The following KAZN variants were observed in gnomAD, a reference collection of about 807,000 sequenced individuals.
KAZN encodes kazrin, periplakin interacting protein.
In KAZN, 40 loss-of-function variants were observed where a neutral mutation model predicts 87.4. The ratio of observed to expected loss-of-function variants is 0.46; its 90% CI spans 0.36 to 0.60. KAZN has a LOEUF of 0.60. Among genes scored for constraint, KAZN ranks in the 20% least tolerant of loss-of-function variants. The probability of loss-of-function intolerance (pLI) is 0.00; values close to 1 mark genes in which losing one functional copy is unlikely to be tolerated. For missense variants in KAZN, 898 were observed against 1,073.9 expected, an observed-to-expected ratio of 0.84 and a Z score of 2.29; for synonymous variants, 466 against 458.3, an observed-to-expected ratio of 1.02 and a Z score of -0.22.
intron 1 of KAZN, chr1:14,929,713 A>C: frequency 1.1e-6 from 1 of 921,040 alleles, no homozygotes; most frequent in Non-Finnish European, 1.3e-6. Context: ...CATGGTTATA[A>C]GGGGTGTGCG....
chr1:14,448,601 A>T (rs1044553165), intron 2 of KAZN, among the ~76,000 whole-genome samples: 1 of 152,242 alleles, frequency 6.6e-6, no homozygotes. Flanking sequence ...CCTGGATTGA[A>T]GTCACTGCTT....
At chr1:15,026,723 GAA>G (rs35459848) in intron 2 of KAZN, among the ~76,000 whole-genome samples, 30,467 of 150,096 alleles carry the variant, frequency 0.2, 3,523 homozygotes, top group Admixed American at 0.27. Flanking sequence ...AAATAATTTG[GAA>G]AAAAAAAAAA....
At chr1:14,120,230 G>A (rs1430419234) in intron 1 of KAZN, among the ~76,000 whole-genome samples, 2 of 152,130 alleles carry the variant, frequency 1.3e-5, no homozygotes, top group Admixed American at 6.5e-5. Context: ...CATAGAAGAA[G>A]GCAAAGAGGA....
intron 1 of KAZN, among the ~76,000 whole-genome samples, chr1:14,166,184 G>A (rs371286272): frequency 2.0e-5 from 3 of 152,138 alleles, no homozygotes; most frequent in South Asian, 4.1e-4. Flanking sequence ...GCATGGTGGC[G>A]TGCGCCTGTA....
chr1:14,914,418 T>A (rs556860153), intron 1 of KAZN, among the ~76,000 whole-genome samples: 2 of 152,342 alleles, frequency 1.3e-5, no homozygotes, highest in East Asian at 3.9e-4. Flanking sequence ...AATTACTATT[T>A]GCCGGTAGCA....
intron 2 of KAZN, among the ~76,000 whole-genome samples, chr1:14,354,274 G>A (rs563051801): frequency 4.6e-5 from 7 of 152,106 alleles, no homozygotes; most frequent in African/African-American, 7.2e-5. Flanking sequence ...GTTAGGCAAA[G>A]GTTCCTTAGA....
chr1:14,578,223 C>T (rs370310522), intron 2 of KAZN, among the ~76,000 whole-genome samples: 8 of 152,054 alleles, frequency 5.3e-5, no homozygotes, highest in African/African-American at 1.9e-4. Context: ...TTGGATAGGG[C>T]CTGGAAAGTA....
At chr1:15,017,413 T>G (rs773348263) in intron 2 of KAZN, among the ~76,000 whole-genome samples, 1 of 152,240 alleles carries the variant, frequency 6.6e-6, no homozygotes, top group Non-Finnish European at 1.5e-5. Flanking sequence ...CGTGGCTAAG[T>G]CCTATTTATC....
intron 1 of KAZN, among the ~76,000 whole-genome samples, chr1:14,730,846 T>A (rs1021710082): frequency 6.6e-6 from 1 of 152,160 alleles, no homozygotes; most frequent in Non-Finnish European, 1.5e-5. Flanking sequence ...CAGGTGGCTC[T>A]AATCTCATCT....
At chr1:13,983,675 G>A (rs572092369) in intron 1 of KAZN, among the ~76,000 whole-genome samples, 26 of 152,360 alleles carry the variant, frequency 1.7e-4, no homozygotes, top group Admixed American at 1.4e-3. Context: ...CGCAGAGGAG[G>A]TGCCGAGAGC....
At chr1:14,972,387 T>C (rs1033187329) in intron 2 of KAZN, among the ~76,000 whole-genome samples, 4 of 152,188 alleles carry the variant, frequency 2.6e-5, no homozygotes, top group African/African-American at 9.6e-5. Context: ...GTGCCTGAGC[T>C]TGGCTCAGTT....
At chr1:14,868,178 G>T (rs1651744215) in intron 1 of KAZN, among the ~76,000 whole-genome samples, 1 of 151,832 alleles carries the variant, frequency 6.6e-6, no homozygotes, top group Non-Finnish European at 1.5e-5. Context: ...CATCGCATAG[G>T]CAGGCATCAA....
upstream of KAZN, among the ~76,000 whole-genome samples, chr1:14,596,512 C>T (rs755254445): frequency 1.3e-5 from 2 of 152,164 alleles, no homozygotes; most frequent in Admixed American, 6.5e-5. Flanking sequence ...GTACATTCAC[C>T]GTGTTGTGCC....
intron 1 of KAZN, among the ~76,000 whole-genome samples, chr1:13,972,102 G>T (rs2101051740): frequency 6.6e-6 from 1 of 152,268 alleles, no homozygotes; most frequent in South Asian, 2.1e-4. Flanking sequence ...ATAGAGAATT[G>T]TTTTGTGTTA....
At chr1:14,770,075 C>T (rs1572436101) in intron 1 of KAZN, among the ~76,000 whole-genome samples, 2 of 152,026 alleles carry the variant, frequency 1.3e-5, no homozygotes, top group East Asian at 3.9e-4. Context: ...GTGGCTGGAG[C>T]CAAGAAATCA....
At chr1:14,503,423 G>T (rs1670375949) in intron 2 of KAZN, among the ~76,000 whole-genome samples, 1 of 151,212 alleles carries the variant, frequency 6.6e-6, no homozygotes, top group Middle Eastern at 3.2e-3. Flanking sequence ...GGCAGAGCTT[G>T]CAGTGAGCCG....
At chr1:14,886,463 C>CACACACAG (rs397979311) in intron 1 of KAZN, among the ~76,000 whole-genome samples, 27 of 135,992 alleles carry the variant, frequency 2.0e-4, no homozygotes, top group African/African-American at 7.0e-4. Flanking sequence ...CACACACACA[C>CACACACAG]AGAGAGAGAC....
chr1:15,079,680 G>A (rs577506821), intron 8 of KAZN, among the ~76,000 whole-genome samples: 2 of 152,228 alleles, frequency 1.3e-5, no homozygotes, highest in African/African-American at 4.8e-5. Context: ...CTTCTCATGG[G>A]ATCCACCTTT....
intron 1 of KAZN, among the ~76,000 whole-genome samples, chr1:14,794,790 C>G (rs545288128): frequency 1.3e-5 from 2 of 152,206 alleles, no homozygotes; most frequent in African/African-American, 2.4e-5. Flanking sequence ...GAGGCTGTTG[C>G]CAAAGGAGAT....
Sources: gnomAD v4.1 joint callset for allele counts (sites outside exome capture counted in the v4.1 genomes callset) on GRCh38, gnomAD v4.1.1 for gene constraint, MANE v1.5 for transcripts, NCBI Gene and HGNC (gene_info 2026-07-23, HGNC 2026-07-21) for gene names.